MEF2D: variants seen among roughly 807,000 people sequenced by gnomAD.
MEF2D encodes the protein myocyte-specific enhancer factor 2D.
MEF2D carries 10 observed loss-of-function variants against 59.3 expected under a neutral mutation model. The observed-to-expected ratio is 0.17, with a 90% CI of 0.10 to 0.29. The LOEUF (loss-of-function observed/expected upper bound fraction) is 0.29, where lower values mean the gene tolerates loss of function less well. Ranked by LOEUF, MEF2D falls within the 10% of genes least tolerant of loss-of-function variation. The pLI is 1.00. For missense variants in MEF2D, 508 were observed against 699.4 expected (o/e 0.73, Z 3.09); for synonymous variants, 305 against 295.0 (o/e 1.03, Z -0.35).
At chr1:156,493,013 C>T (rs1672905111) in intron 1 of MEF2D, among the ~76,000 whole-genome samples, 3 of 152,188 alleles carry the variant, frequency 2.0e-5, no homozygotes, top group Admixed American at 2.0e-4. Context: ...GAGAGGCAGG[C>T]AGCAGACAGT....
chr1:156,487,634 T>TATC (rs1479239746), intron 1 of MEF2D, among the ~76,000 whole-genome samples: 1 of 152,218 alleles, frequency 6.6e-6, no homozygotes, highest in Non-Finnish European at 1.5e-5. Context: ...AACCTGACCC[T>TATC]ATCCAAGGTT....
intron 1 of MEF2D, among the ~76,000 whole-genome samples, chr1:156,498,600 C>T (rs1049035671): frequency 4.6e-5 from 7 of 151,876 alleles, no homozygotes; most frequent in Non-Finnish European, 1.0e-4. Context: ...CCTCCCTTCC[C>T]CCCTCCCCCC....
chr1:156,468,092 G>A lies in MEF2D; in HGVS notation c.1455C>T (p.Asp485=), dbSNP rs142510734. Reference sequence around the variant, plus strand: ...GTGTGGGCCCGAAGTCCCCCCGTCCGTCATCCCGGTCTCCCGTCTCATAGG... The same window carrying A: ...GTGTGGGCCCGAAGTCCCCCCGTCCATCATCCCGGTCTCCCGTCTCATAGG... ...GGSYETGDRD[D]GRGDFGPTLG... is the part of the protein sequence containing the mutation. The change falls in exon 11 of 12, where the codon GAC becomes GAT. Residue 485 remains aspartate (D), a synonymous_variant. Coordinates refer to ENST00000348159, the MANE Select transcript of MEF2D (RefSeq NM_005920.4). This position sits in a 1 kb window ranked among gnomAD's most constrained non-coding sequence, Gnocchi z 4.3. The A allele has an allele frequency of 1.3e-5, 21 of 1,613,950 alleles. No individual in the cohort carries two copies. The African/African-American group carries it at 1.7e-4, about 13-fold the overall frequency.
Position 156,468,675 on chromosome 1 carries a change from A to G in MEF2D, c.1247+105T>C, listed in dbSNP as rs557877239. 1.9e-5 allele frequency: 28 copies of G among 1,508,092 alleles called. No individual in the cohort carries two copies. Among genetic ancestry groups the G allele is most frequent in the Non-Finnish European group, 2.1e-5 (23 of 1,113,736 alleles). 93.4% of individuals were successfully genotyped at this position (1,508,092 alleles called of 1,614,324 possible). On this transcript the variant is annotated intron_variant, in intron 10 of 11. Transcript: ENST00000348159. This position sits in a 1 kb window ranked among gnomAD's most constrained non-coding sequence, Gnocchi z 4.3. ...ACTGTGCAGTGCACAGCCTCATAGG[A>G]TGTCCACTAGAACCCTGCAGGGAAC... is the stretch of plus-strand genomic sequence containing the variant.
chr1:156,479,429 C>A (rs1275420553), intron 5 of MEF2D, 83 bp from the exon 6 acceptor site: 2 of 1,522,116 alleles, frequency 1.3e-6, no homozygotes, highest in African/African-American at 1.4e-5. Flanking sequence ...GAAGAGGGGA[C>A]CCCAGGAGGA....
At chr1:156,469,147 A>G in intron 9 of MEF2D, 127 bp from the exon 10 acceptor site, 1 of 1,280,882 alleles carries the variant, frequency 7.8e-7, no homozygotes, top group Non-Finnish European at 1.0e-6. Flanking sequence ...GATGTAAGGA[A>G]TTCAAGAAGA....
rs1351482894 is a variant in MEF2D, at chr1:156,465,534, C to T, written c.*2111G>A. 1 of 152,402 alleles carries T rather than the reference C, an allele frequency of 6.6e-6. No homozygotes were observed. Among genetic ancestry groups the T allele is most frequent in the Non-Finnish European group, 1.5e-5 (1 of 68,176 alleles). The allele number at this position is 152,402 out of a possible 1,614,324, so 9.4% of individuals were successfully genotyped here. A position where few individuals can be genotyped will look rare whatever the true frequency, so the allele number is the denominator to read the frequency against. On this transcript the variant is annotated 3_prime_UTR_variant, in exon 12 of 12. Transcript: ENST00000348159. ...CCAACTCTCCCTTTGTAAACACACACCAGGCACACTCAGACACAGAGATGC... is the reference window on the plus strand; with the variant it reads ...CCAACTCTCCCTTTGTAAACACACATCAGGCACACTCAGACACAGAGATGC...
intron 7 of MEF2D, 62 bp from the exon 8 acceptor site, chr1:156,476,576 TC>T (rs1671620703): frequency 6.3e-7 from 1 of 1,583,896 alleles, no homozygotes; most frequent in African/African-American, 1.3e-5. Context: ...CCCCCACACC[TC>T]TGTCCCCACA....
intron 1 of MEF2D, among the ~76,000 whole-genome samples, chr1:156,489,737 G>A (rs1410097852): frequency 6.6e-6 from 1 of 152,144 alleles, no homozygotes; most frequent in East Asian, 1.9e-4. Flanking sequence ...GGAGAGGCAA[G>A]GGGGCCCTTG....
At position 156,468,085 on chromosome 1, in the gene MEF2D, C is replaced by G. The variant is rs1300944872; in HGVS notation, c.1462G>C (p.Gly488Arg). Reference sequence around the variant, plus strand: ...AGGCCCAGTGTGGGCCCGAAGTCCCCCCGTCCGTCATCCCGGTCTCCCGTC... The same window carrying G: ...AGGCCCAGTGTGGGCCCGAAGTCCCGCCGTCCGTCATCCCGGTCTCCCGTC... Reference protein sequence around the residue: ...YETGDRDDGRGDFGPTLGLLR... With the variant: ...YETGDRDDGRRDFGPTLGLLR... Residue 488 changes from glycine to arginine, a missense_variant, in exon 11 of 12, where the codon GGG becomes CGG. Transcript: ENST00000348159. This position sits in a 1 kb window ranked among gnomAD's most constrained non-coding sequence, Gnocchi z 4.3. 3 of 1,613,974 alleles carry G rather than the reference C, an allele frequency of 1.9e-6. No individual in the cohort carries two copies. Among genetic ancestry groups the G allele is most frequent in the Non-Finnish European group, 2.5e-6 (3 of 1,179,992 alleles).
intron 1 of MEF2D, among the ~76,000 whole-genome samples, chr1:156,495,674 A>T (rs1221340185): frequency 7.2e-6 from 1 of 139,676 alleles, no homozygotes; most frequent in African/African-American, 2.7e-5. Flanking sequence ...AAAAAAAATT[A>T]AAAAGTTGTG....
intron 1 of MEF2D, among the ~76,000 whole-genome samples, chr1:156,492,290 G>C (rs774379316): frequency 6.6e-6 from 1 of 152,202 alleles, no homozygotes; most frequent in Admixed American, 6.5e-5. Flanking sequence ...CAGCAGGTAG[G>C]ACAGATATAA....
chr1:156,475,394 C>A (rs1671504948), intron 8 of MEF2D, among the ~76,000 whole-genome samples, 157 bp from the exon 9 acceptor site: 1 of 152,238 alleles, frequency 6.6e-6, no homozygotes, highest in Admixed American at 6.5e-5. Flanking sequence ...CACGTTGGTG[C>A]ATTCACAGAG....
Position 156,500,749 on chromosome 1 carries a change from C to G in MEF2D, c.-402G>C, listed in dbSNP as rs969158269. 6.6e-6 allele frequency: 1 copy of G among 152,154 alleles called. No homozygotes were observed. The highest frequency in any genetic ancestry group is 1.5e-5 in the Non-Finnish European group (1 of 68,054). 9.4% of individuals were successfully genotyped at this position (152,154 alleles called of 1,614,324 possible). A position where few individuals can be genotyped will look rare whatever the true frequency, so the allele number is the denominator to read the frequency against. On this transcript the variant is annotated 5_prime_UTR_variant, in exon 1 of 12. Coordinates refer to ENST00000348159, the MANE Select transcript of MEF2D (RefSeq NM_005920.4). ...GCTGTTGTTGATATTTTGCTTCCTT[C>G]CTCCTTTCGGGCTCCAAAGGTAACT...
chr1:156,468,067 G>A lies in MEF2D; in HGVS notation c.1480C>T (p.Leu494=), dbSNP rs749244477. 5.0e-6 allele frequency: 8 copies of A among 1,614,090 alleles called. No individual in the cohort carries two copies. Among genetic ancestry groups the A allele is most frequent in the Middle Eastern group, 1.7e-4 (1 of 6,060 alleles). ...TCTGGGGCTGGGCGCAGCAGGCCCA[G>A]TGTGGGCCCGAAGTCCCCCCGTCCG... ...DDGRGDFGPT[L]GLLRPAPEPE... The change falls in exon 11 of 12, where the codon CTG becomes TTG. Residue 494 remains leucine (L), a synonymous_variant. Coordinates refer to ENST00000348159, the MANE Select transcript of MEF2D (RefSeq NM_005920.4). This position sits in a 1 kb window ranked among gnomAD's most constrained non-coding sequence, Gnocchi z 4.3.
intron 4 of MEF2D, 91 bp downstream of exon 4, chr1:156,480,743 G>A (rs1166863946): frequency 6.2e-7 from 1 of 1,611,508 alleles, no homozygotes; most frequent in Non-Finnish European, 8.5e-7. Context: ...GTCCACCTCA[G>A]GGCTCTCACA....
At chr1:156,470,015 G>A (rs772913677) in intron 9 of MEF2D, among the ~76,000 whole-genome samples, 4 of 152,256 alleles carry the variant, frequency 2.6e-5, no homozygotes, top group Non-Finnish European at 5.9e-5. Context: ...GTACCATGCC[G>A]GGAGCACAGC....
intron 1 of MEF2D, among the ~76,000 whole-genome samples, chr1:156,489,568 A>G (rs969090243): frequency 3.3e-5 from 5 of 152,020 alleles, no homozygotes; most frequent in Non-Finnish European, 7.4e-5. Context: ...AGAAGCAGGT[A>G]GAGAACAAGA....
At chr1:156,485,290 C>CGGT (rs1293508630) in intron 1 of MEF2D, among the ~76,000 whole-genome samples, 1 of 152,118 alleles carries the variant, frequency 6.6e-6, no homozygotes, top group Admixed American at 6.5e-5. Context: ...ATGGCCCCTA[C>CGGT]GGTACCACAG....
Sources: gnomAD v4.1 joint callset for allele counts (sites outside exome capture counted in the v4.1 genomes callset) on GRCh38, gnomAD v4.1.1 for gene constraint, Gnocchi (gnomAD v3.1) non-coding constraint, MANE v1.5 for transcripts, NCBI Gene and HGNC (gene_info 2026-07-23, HGNC 2026-07-21) for gene names.